The following NCOA2 variants were observed in gnomAD, a reference collection of about 807,000 sequenced individuals.
The protein encoded by NCOA2 is class E basic helix-loop-helix protein 75.
Under a neutral mutation model 145.1 loss-of-function variants are expected in NCOA2, and 21 were observed. That is an observed-to-expected ratio of 0.14 (90% CI 0.10 to 0.21). The LOEUF (loss-of-function observed/expected upper bound fraction) is 0.21, where lower values mean the gene tolerates loss of function less well. NCOA2 is among the 10% of genes least tolerant of loss of function. The pLI is 1.00. For missense variants in NCOA2, 1,472 were observed against 1,837.6 expected, an observed-to-expected ratio of 0.80 and a Z score of 3.64; for synonymous variants, 619 against 637.5, an observed-to-expected ratio of 0.97 and a Z score of 0.44.
chr8:70,335,637 A>G (rs779981263), intron 1 of NCOA2, among the ~76,000 whole-genome samples: 8 of 152,190 alleles, frequency 5.3e-5, no homozygotes, highest in Non-Finnish European at 7.4e-5. Flanking sequence ...CCACTCTTCT[A>G]TCTTATTTCT....
Position 70,121,397 on chromosome 8 carries a change from G to A in NCOA2, c.4294-6C>T. 1 of 1,607,170 alleles carries A rather than the reference G, an allele frequency of 6.2e-7. No homozygotes were observed. The highest frequency in any genetic ancestry group is 8.5e-7 in the Non-Finnish European group (1 of 1,175,536). ...CTCAGAGCAGGATCATTAACCTAAGGACAAGAAGACAGGACAGTGGCTACG... is the reference window on the plus strand; with the variant it reads ...CTCAGAGCAGGATCATTAACCTAAGAACAAGAAGACAGGACAGTGGCTACG... On this transcript the variant is annotated splice_polypyrimidine_tract_variant and splice_region_variant and intron_variant, in intron 21 of 22. Coordinates refer to ENST00000452400, the MANE Select transcript of NCOA2 (RefSeq NM_006540.4).
chr8:70,332,965 G>A (rs1807240984), intron 1 of NCOA2, among the ~76,000 whole-genome samples: 1 of 152,190 alleles, frequency 6.6e-6, no homozygotes, highest in Non-Finnish European at 1.5e-5. Context: ...AGGCCTGAAA[G>A]GTAAATATGA....
chr8:70,141,260 T>A lies in NCOA2; in HGVS notation c.2952A>T (p.Pro984=), dbSNP rs368653474. Reference sequence around the variant, plus strand: ...TGGGCCTCATGGGGATGCTGGCTGCTGGGTTCCGAATCATACCTCCTTGGA... The same window carrying A: ...TGGGCCTCATGGGGATGCTGGCTGCAGGGTTCCGAATCATACCTCCTTGGA... ...RPVQGGMIRN[P]AASIPMRPSS... The change falls in exon 14 of 23, where the codon CCA becomes CCT. Residue 984 remains proline, a synonymous_variant. Coordinates refer to ENST00000452400, the MANE Select transcript of NCOA2 (RefSeq NM_006540.4). 6.2e-7 allele frequency: 1 copy of A among 1,613,796 alleles called. No individual in the cohort carries two copies. The highest frequency in any genetic ancestry group is 1.3e-5 in the African/African-American group (1 of 74,924).
At chr8:70,150,803 G>A (rs1811655926) in intron 11 of NCOA2, among the ~76,000 whole-genome samples, 1 of 152,120 alleles carries the variant, frequency 6.6e-6, no homozygotes, top group Non-Finnish European at 1.5e-5. Context: ...TCAACACGAT[G>A]ATTTCTTTTA....
chr8:70,396,761 T>C (rs1288382802), intron 1 of NCOA2, among the ~76,000 whole-genome samples: 1 of 152,234 alleles, frequency 6.6e-6, no homozygotes, highest in Non-Finnish European at 1.5e-5. Context: ...TGATACAATT[T>C]GCAGGACTGG....
chr8:70,441,479 A>C, the NCOA2 span, among the ~76,000 whole-genome samples: 1 of 150,940 alleles, frequency 6.6e-6, no homozygotes, highest in Admixed American at 6.6e-5. Context: ...GAGGGAGAAC[A>C]AGCAAAGAAG....
chr8:70,439,916 G>A, the NCOA2 span, among the ~76,000 whole-genome samples: 1 of 152,148 alleles, frequency 6.6e-6, no homozygotes, highest in East Asian at 1.9e-4. Context: ...AGCCCAACAT[G>A]CTCTGTGCTC....
At chr8:70,267,657 G>A (rs1309121088) in intron 2 of NCOA2, among the ~76,000 whole-genome samples, 1 of 152,006 alleles carries the variant, frequency 6.6e-6, no homozygotes, top group African/African-American at 2.4e-5. Context: ...CTAGGTGATG[G>A]AAATGCTGTC....
intron 1 of NCOA2, among the ~76,000 whole-genome samples, chr8:70,301,524 G>C (rs1374139291): frequency 6.6e-6 from 1 of 151,540 alleles, no homozygotes; most frequent in Admixed American, 6.6e-5. Flanking sequence ...GCATGGTGGC[G>C]CATGTCTGTA....
At chr8:70,399,353 A>G (rs913863345) in intron 1 of NCOA2, among the ~76,000 whole-genome samples, 10 of 152,220 alleles carry the variant, frequency 6.6e-5, no homozygotes, top group African/African-American at 2.4e-4. Context: ...GAGAGGTAAA[A>G]TTAGCCTTAA....
intron 2 of NCOA2, among the ~76,000 whole-genome samples, chr8:70,217,100 T>C (rs912666530): frequency 6.6e-6 from 1 of 152,010 alleles, no homozygotes; most frequent in African/African-American, 2.4e-5. Flanking sequence ...GTTTCAAGAG[T>C]GATCTTGCAC....
At chr8:70,151,262 T>C (rs1431692249) in intron 11 of NCOA2, among the ~76,000 whole-genome samples, 1 of 152,066 alleles carries the variant, frequency 6.6e-6, no homozygotes, top group African/African-American at 2.4e-5. Context: ...TGACAATATA[T>C]ATTAAGAACA....
At chr8:70,391,354 A>G (rs751530139) in intron 1 of NCOA2, among the ~76,000 whole-genome samples, 30 of 152,342 alleles carry the variant, frequency 2.0e-4, no homozygotes, top group East Asian at 3.9e-4. Flanking sequence ...ACAGAAATCT[A>G]CTTCCCAGGA....
chr8:70,317,313 T>G (rs947997592), intron 1 of NCOA2, among the ~76,000 whole-genome samples: 1 of 152,182 alleles, frequency 6.6e-6, no homozygotes, highest in Non-Finnish European at 1.5e-5. Context: ...ACTTAAGAGC[T>G]GTTAGATTAA....
intron 12 of NCOA2, among the ~76,000 whole-genome samples, chr8:70,146,522 A>G: frequency 6.6e-6 from 1 of 152,242 alleles, no homozygotes; most frequent in South Asian, 2.1e-4. Context: ...TTAAAAAATT[A>G]GGGCTGAGAA....
At chr8:70,328,279 T>C (rs1806774010) in intron 1 of NCOA2, among the ~76,000 whole-genome samples, 1 of 152,190 alleles carries the variant, frequency 6.6e-6, no homozygotes, top group Non-Finnish European at 1.5e-5. Context: ...AGATTATATG[T>C]ACCTGCTATA....
chr8:70,420,783 T>A, the NCOA2 span, among the ~76,000 whole-genome samples: 2 of 152,132 alleles, frequency 1.3e-5, no homozygotes, highest in Non-Finnish European at 2.9e-5. Flanking sequence ...TAGCTGGGAC[T>A]ACAAGCCTGC....
chr8:70,286,255 A>G (rs1826224731), intron 2 of NCOA2, among the ~76,000 whole-genome samples: 1 of 152,118 alleles, frequency 6.6e-6, no homozygotes, highest in Non-Finnish European at 1.5e-5. Flanking sequence ...CTACAAAAAA[A>G]TAAAAAATTA....
the NCOA2 span, chr8:70,424,118 C>T: frequency 5.6e-6 from 1 of 178,254 alleles, no homozygotes; most frequent in Non-Finnish European, 1.2e-5. Flanking sequence ...CAGACAAGGC[C>T]ACAGACTTAG....
Sources: allele counts gnomAD v4.1 joint callset (sites outside exome capture counted in the v4.1 genomes callset), GRCh38; gene constraint gnomAD v4.1.1; transcripts MANE v1.5; gene names NCBI Gene and HGNC (gene_info 2026-07-23, HGNC 2026-07-21).